Variants in CTNNA2 observed in about 807,000 individuals in gnomAD.
CTNNA2 encodes the protein catenin alpha-2.
CTNNA2 carries 42 observed loss-of-function variants against 101.0 expected under a neutral mutation model. That is an observed-to-expected ratio of 0.42 (90% CI 0.32 to 0.54). The LOEUF is 0.54. Ranked by LOEUF, CTNNA2 falls within the 20% of genes least tolerant of loss-of-function variation. The probability of loss-of-function intolerance (pLI) is 0.14; values close to 1 mark genes in which losing one functional copy is unlikely to be tolerated. For synonymous variants in CTNNA2, 450 were observed against 456.4 expected (o/e 0.99, Z 0.18); for missense variants, 871 against 1,223.1 (o/e 0.71, Z 4.29).
intron 2 of CTNNA2, among the ~76,000 whole-genome samples, chr2:79,729,488 A>G (rs772260599): frequency 8.5e-5 from 13 of 152,150 alleles, no homozygotes; most frequent in Non-Finnish European, 8.8e-5. Flanking sequence ...TTCACTCTGC[A>G]GTATTGAATG....
At chr2:79,448,945 T>G (rs928696052) in intron 4 of CTNNA2, among the ~76,000 whole-genome samples, 1 of 151,966 alleles carries the variant, frequency 6.6e-6, no homozygotes, top group Non-Finnish European at 1.5e-5. Context: ...AAGTAAGTTA[T>G]CCTAAGGGAA....
chr2:80,182,894 G>A (rs776664880), intron 7 of CTNNA2, among the ~76,000 whole-genome samples: 1 of 152,156 alleles, frequency 6.6e-6, no homozygotes, highest in Non-Finnish European at 1.5e-5. Context: ...CAAGGGCAAG[G>A]CGTTGACCCA....
intron 12 of CTNNA2, among the ~76,000 whole-genome samples, chr2:80,562,758 A>G (rs986953551): frequency 3.3e-5 from 5 of 152,204 alleles, no homozygotes; most frequent in Non-Finnish European, 4.4e-5. Flanking sequence ...ATAAAACAGA[A>G]TGGGGAATAA....
chr2:79,804,003 G>A (rs1676370394), intron 3 of CTNNA2, among the ~76,000 whole-genome samples: 1 of 152,196 alleles, frequency 6.6e-6, no homozygotes, highest in Non-Finnish European at 1.5e-5. Context: ...GAGGCAGCTG[G>A]CCATGTGGTA....
chr2:79,749,073 G>A (rs1009339826), intron 3 of CTNNA2, among the ~76,000 whole-genome samples: 5 of 152,094 alleles, frequency 3.3e-5, no homozygotes, highest in African/African-American at 9.7e-5. Context: ...GTACTTTCAC[G>A]TATCACCATT....
chr2:80,018,730 A>G lies in CTNNA2; in HGVS notation c.1056+108933A>G, dbSNP rs373462666. Reference sequence around the variant, plus strand: ...CGGGAGACAGAGGTTGCAGTGAGCTAAGATCGTGCCACTGCACTCCAGCCT... The same window carrying G: ...CGGGAGACAGAGGTTGCAGTGAGCTGAGATCGTGCCACTGCACTCCAGCCT... On this transcript the variant is annotated intron_variant, in intron 7 of 18. Transcript: ENST00000402739. 5.9e-3 allele frequency among the ~76,000 whole-genome samples: 893 copies of G among 151,704 alleles called. 6 individuals carry two copies. The highest frequency in any genetic ancestry group is 0.021 in the African/African-American group (851 of 41,318).
At position 79,909,583 on chromosome 2, in the gene CTNNA2, G is replaced by A; in HGVS notation, c.853-11G>A. ...TGCTGATTTTTGTGTGTGTGTGTGT[G>A]ATACTTTCAGAATAAGATTATCCTG... On this transcript the variant is annotated splice_polypyrimidine_tract_variant and intron_variant, in intron 6 of 18. Transcript: ENST00000402739. 6.3e-7 allele frequency: 1 copy of A among 1,592,340 alleles called. No homozygotes were observed.
At chr2:79,540,104 T>C (rs1016617210) in intron 1 of CTNNA2, among the ~76,000 whole-genome samples, 1 of 152,208 alleles carries the variant, frequency 6.6e-6, no homozygotes, top group African/African-American at 2.4e-5. Flanking sequence ...CAGAACCTTA[T>C]ATATTTTTTT....
intron 8 of CTNNA2, among the ~76,000 whole-genome samples, chr2:80,410,228 A>T (rs1337913032): frequency 6.6e-6 from 1 of 152,176 alleles, no homozygotes; most frequent in African/African-American, 2.4e-5. Context: ...GTCATTTTTG[A>T]GACAGTTTGT....
At chr2:79,578,054 T>C (rs969781612) in intron 1 of CTNNA2, among the ~76,000 whole-genome samples, 1 of 152,160 alleles carries the variant, frequency 6.6e-6, no homozygotes. Flanking sequence ...CCGATTCTTA[T>C]GTGGAATAGT....
chr2:80,465,697 ACTT>A (rs1298536986), intron 9 of CTNNA2, among the ~76,000 whole-genome samples: 4 of 152,054 alleles, frequency 2.6e-5, no homozygotes, highest in African/African-American at 7.2e-5. Context: ...TTTTATCCTA[ACTT>A]CTTCTTTATT....
At chr2:80,396,024 T>A (rs1179525846) in intron 8 of CTNNA2, among the ~76,000 whole-genome samples, 1 of 152,144 alleles carries the variant, frequency 6.6e-6, no homozygotes, top group Non-Finnish European at 1.5e-5. Context: ...GCCACCAAAT[T>A]GAAAAGAAAC....
At chr2:79,999,615 A>G (rs775820682) in intron 7 of CTNNA2, among the ~76,000 whole-genome samples, 9 of 152,172 alleles carry the variant, frequency 5.9e-5, no homozygotes, top group Non-Finnish European at 1.3e-4. Flanking sequence ...TCTGTAAACA[A>G]ACCTGTGCAG....
chr2:79,750,534 A>G (rs1025897496), intron 3 of CTNNA2, among the ~76,000 whole-genome samples: 64 of 152,342 alleles, frequency 4.2e-4, no homozygotes, highest in African/African-American at 1.4e-3. Flanking sequence ...GGCAGTCATT[A>G]TACAAGGTTT....
chr2:79,513,165 C>G lies in CTNNA2; in HGVS notation c.-48C>G, dbSNP rs986809965. On this transcript the variant is annotated 5_prime_UTR_variant, in exon 1 of 19. Coordinates refer to ENST00000402739, the MANE Select transcript of CTNNA2 (RefSeq NM_001282597.3). ...TACCACTCCAGCTGCTGGGAACGGG[C>G]GAGAAAGAGGAGGAGGCGAGAAACT... The G allele has an allele frequency of 3.9e-5, 6 of 152,648 alleles. No homozygotes were observed. The highest frequency in any genetic ancestry group is 1.4e-4 in the African/African-American group (6 of 41,436). 9.5% of individuals were successfully genotyped at this position (152,648 alleles called of 1,614,324 possible). A position where few individuals can be genotyped will look rare whatever the true frequency, so the allele number is the denominator to read the frequency against.
intron 5 of CTNNA2, among the ~76,000 whole-genome samples, chr2:79,872,395 T>TA (rs1321901093): frequency 6.6e-6 from 1 of 152,194 alleles, no homozygotes; most frequent in Non-Finnish European, 1.5e-5. Flanking sequence ...TTATTTTTTT[T>TA]AGTATAGATA....
intron 3 of CTNNA2, among the ~76,000 whole-genome samples, chr2:79,347,450 TAA>T (rs1677286682): frequency 6.6e-6 from 1 of 152,224 alleles, no homozygotes; most frequent in Non-Finnish European, 1.5e-5. Context: ...TTAAATAAAA[TAA>T]GTCTTAGTGT....
chr2:79,964,533 G>T (rs1689888459), intron 7 of CTNNA2, among the ~76,000 whole-genome samples: 1 of 151,936 alleles, frequency 6.6e-6, no homozygotes, highest in South Asian at 2.1e-4. Flanking sequence ...GTTTGTTTTT[G>T]TTCCAATAAT....
chr2:79,859,633 T>A (rs1681430599), intron 4 of CTNNA2, among the ~76,000 whole-genome samples: 1 of 137,758 alleles, frequency 7.3e-6, no homozygotes, highest in Non-Finnish European at 1.6e-5. Context: ...TTTATTTTTA[T>A]TTTTTCCTCT....
Sources: gnomAD v4.1 joint callset for allele counts (sites outside exome capture counted in the v4.1 genomes callset) on GRCh38, gnomAD v4.1.1 for gene constraint, MANE v1.5 for transcripts, NCBI Gene and HGNC (gene_info 2026-07-23, HGNC 2026-07-21) for gene names.